The following PAH variants were observed in gnomAD, a reference collection of about 807,000 sequenced individuals.
The protein encoded by PAH is phenylalanine hydroxylase, also known as phenylalanine-4-hydroxylase.
A neutral mutation model predicts 62.0 loss-of-function variants in PAH; 64 were observed. The observed-to-expected ratio is 1.03, with a 90% confidence interval of 0.84 to 1.27. PAH has a LOEUF of 1.27. Among genes scored for constraint, PAH ranks in the 50% most tolerant of loss-of-function variants. The probability of loss-of-function intolerance (pLI) is 0.00; values close to 1 mark genes in which losing one functional copy is unlikely to be tolerated. For synonymous variants in PAH, 195 were observed against 196.2 expected (o/e 0.99, Z 0.05); for missense variants, 579 against 542.8 (o/e 1.07, Z -0.66).
chr12:102,899,716 G>A (rs1289671754), intron 2 of PAH, among the ~76,000 whole-genome samples: 3 of 149,270 alleles, frequency 2.0e-5, no homozygotes, highest in South Asian at 4.4e-4. Flanking sequence ...AAAATTAGCC[G>A]GGCGTAGTGG....
Position 102,843,695 on chromosome 12 carries a change from G to C in PAH, c.1150C>G (p.Pro384Ala). 1 of 1,613,546 alleles carries C rather than the reference G, an allele frequency of 6.2e-7. No homozygotes were observed. Among genetic ancestry groups the C allele is most frequent in the Non-Finnish European group, 8.5e-7 (1 of 1,179,622 alleles). Residue 384 changes from proline to alanine, a missense_variant, in exon 11 of 13, where the codon CCC (proline) becomes GCC (alanine). By Grantham distance (27) the Pro-to-Ala change is conservative (BLOSUM62 -1). Transcript: ENST00000553106. ...AAACTCTCTGCCACGTAATAGAGGGGCTGGAACTCCGTGACAGTGTAATTT... is the reference window on the plus strand; with the variant it reads ...AAACTCTCTGCCACGTAATAGAGGGCCTGGAACTCCGTGACAGTGTAATTT... ...IQNYTVTEFQ[P>A]LYYVAESFND...
chr12:102,905,674 TC>T (rs373598059), intron 2 of PAH, among the ~76,000 whole-genome samples: 1 of 152,068 alleles, frequency 6.6e-6, no homozygotes, highest in South Asian at 2.1e-4. Flanking sequence ...CATCGCTGAC[TC>T]CCCACAGCAC....
intron 2 of PAH, among the ~76,000 whole-genome samples, chr12:102,902,454 G>A (rs1427505797): frequency 6.6e-6 from 1 of 152,230 alleles, no homozygotes; most frequent in African/African-American, 2.4e-5. Flanking sequence ...AGACTAGACT[G>A]TAGTGGGACA....
intron 2 of PAH, among the ~76,000 whole-genome samples, chr12:102,902,989 C>T (rs944720273): frequency 1.3e-5 from 2 of 152,214 alleles, no homozygotes; most frequent in Non-Finnish European, 2.9e-5. Context: ...GCTCAGCTCA[C>T]GCCTTTAGAG....
chr12:102,892,826 T>G (rs1407874240), intron 3 of PAH, among the ~76,000 whole-genome samples: 1 of 152,202 alleles, frequency 6.6e-6, no homozygotes, highest in Non-Finnish European at 1.5e-5. Flanking sequence ...AGGGCATTTT[T>G]TAGGGCAATG....
At chr12:102,849,954 C>A (rs1875075018) in intron 8 of PAH, among the ~76,000 whole-genome samples, 1 of 152,184 alleles carries the variant, frequency 6.6e-6, no homozygotes, top group Non-Finnish European at 1.5e-5. Context: ...CCCAAGAGCT[C>A]CTGTTTGTTG....
At chr12:102,878,125 A>G (rs958106066) in intron 3 of PAH, among the ~76,000 whole-genome samples, 53 of 152,142 alleles carry the variant, frequency 3.5e-4, no homozygotes, top group African/African-American at 1.2e-3. Flanking sequence ...GCGTCCGGCC[A>G]TTAGCAGCAG....
rs146137895 is a variant in PAH, at chr12:102,853,009, G to C, written c.707-59C>G. The C allele has an allele frequency of 2.8e-4, 443 of 1,594,950 alleles. 6 individuals carry two copies. In the East Asian group the frequency reaches 8.9e-3, roughly 32 times the overall value. The stretch of plus-strand genomic sequence containing the variant: ...CATCACCACTGAGTCAGAGGCACTA[G>C]GAGACCTTTAGGTAGTGGAGTAGTA... On this transcript the variant is annotated intron_variant, in intron 6 of 12. Transcript: ENST00000553106.
chr12:102,864,640 G>T (rs896115364), intron 5 of PAH, among the ~76,000 whole-genome samples: 2 of 152,166 alleles, frequency 1.3e-5, no homozygotes, highest in African/African-American at 4.8e-5. Flanking sequence ...GAAAGGTAGA[G>T]TGTTGCCTTC....
At chr12:102,903,986 A>G (rs928812539) in intron 2 of PAH, among the ~76,000 whole-genome samples, 1 of 152,178 alleles carries the variant, frequency 6.6e-6, no homozygotes, top group Non-Finnish European at 1.5e-5. Flanking sequence ...GAGCTAGTAG[A>G]GGCTAAAAAT....
intron 2 of PAH, among the ~76,000 whole-genome samples, chr12:102,905,978 T>C (rs1056297335): frequency 6.6e-6 from 1 of 152,134 alleles, no homozygotes; most frequent in Non-Finnish European, 1.5e-5. Context: ...AAAATCTTTG[T>C]AACACACATA....
At chr12:102,932,123 C>T (rs963513893) in intron 1 of PAH, among the ~76,000 whole-genome samples, 17 of 152,144 alleles carry the variant, frequency 1.1e-4, no homozygotes, top group African/African-American at 4.1e-4. Flanking sequence ...TGTTACCTCT[C>T]TGCTTACAAA....
intron 2 of PAH, among the ~76,000 whole-genome samples, chr12:102,895,869 A>AAAAAAAATATATATATATAT (rs953209518): frequency 5.9e-5 from 7 of 118,708 alleles, no homozygotes; most frequent in African/African-American, 2.1e-4. Flanking sequence ...AAAAAAAAAA[A>AAAAAAAATATATATATATAT]ATATATATAT....
In PAH at chr12:102,844,335, C is replaced by T. The variant is rs62516147; in HGVS notation, c.1065+1G>A. On this transcript the variant is annotated splice_donor_variant, in intron 10 of 12. Transcript: ENST00000553106. LOFTEE classifies it high-confidence loss of function. ...ATCCTTGGTTCCTGTGAAGGTCATACCTGTAATTCACCAAAGGATGACAGG... is the reference window on the plus strand; with the variant it reads ...ATCCTTGGTTCCTGTGAAGGTCATATCTGTAATTCACCAAAGGATGACAGG... 6 of 1,601,048 alleles carry T rather than the reference C, an allele frequency of 3.7e-6. No individual in the cohort carries two copies. Among genetic ancestry groups the T allele is most frequent in the Non-Finnish European group, 4.3e-6 (5 of 1,168,108 alleles).
chr12:102,855,279 C>G lies in PAH; in HGVS notation c.563G>C (p.Gly188Ala), dbSNP rs199475689. The change falls in exon 6 of 13, where the codon GGC (glycine) becomes GCC (alanine). Residue 188 changes from glycine (G) to alanine (A), a missense_variant. Transcript: ENST00000553106. ...EYMEEEKKTWGTVFKTLKSLY... is the reference protein window; with the variant it reads ...EYMEEEKKTWATVFKTLKSLY... Reference sequence around the variant, plus strand: ...GGACTTCAGAGTCTTGAACACTGTGCCCCATGTTTTCTTTTCTTCCTCCAT... The same window carrying G: ...GGACTTCAGAGTCTTGAACACTGTGGCCCATGTTTTCTTTTCTTCCTCCAT... 6.2e-7 allele frequency: 1 copy of G among 1,614,044 alleles called. No homozygotes were observed. Among genetic ancestry groups the G allele is most frequent in the Admixed American group, 1.7e-5 (1 of 60,022 alleles).
At chr12:102,919,277 C>A (rs2136737130), upstream of PAH, among the ~76,000 whole-genome samples, 2 of 152,252 alleles carry the variant, frequency 1.3e-5, no homozygotes, top group South Asian at 4.1e-4. Context: ...CCCATAACAG[C>A]TGAAAATGCA....
At chr12:102,842,610 G>T (rs1418497764) in intron 11 of PAH, among the ~76,000 whole-genome samples, 1 of 152,134 alleles carries the variant, frequency 6.6e-6, no homozygotes, top group African/African-American at 2.4e-5. Context: ...TTCTTTGTGA[G>T]GGGTCTGGGG....
chr12:102,911,119 G>T (rs1486415840), intron 2 of PAH, among the ~76,000 whole-genome samples: 1 of 152,178 alleles, frequency 6.6e-6, no homozygotes, highest in African/African-American at 2.4e-5. Flanking sequence ...CTTGGTAGGG[G>T]CTTGGCTGTC....
At chr12:102,879,300 G>A (rs564748606) in intron 3 of PAH, among the ~76,000 whole-genome samples, 16 of 151,992 alleles carry the variant, frequency 1.1e-4, no homozygotes, top group African/African-American at 2.9e-4. Context: ...GCCGCTCAGC[G>A]TCTGGTACAT....
Sources: allele counts gnomAD v4.1 joint callset (sites outside exome capture counted in the v4.1 genomes callset), GRCh38; gene constraint gnomAD v4.1.1; transcripts MANE v1.5; gene names NCBI Gene and HGNC (gene_info 2026-07-23, HGNC 2026-07-21).